The following ZNF804B variants were observed in gnomAD, a reference collection of about 807,000 sequenced individuals.
ZNF804B encodes zinc finger protein 804B.
ZNF804B carries 80 observed loss-of-function variants against 101.4 expected under a neutral mutation model. The ratio of observed to expected loss-of-function variants is 0.79; its 90% CI spans 0.66 to 0.95. ZNF804B has a LOEUF of 0.95. ZNF804B is among the 40% of genes least tolerant of loss of function. The probability of loss-of-function intolerance (pLI) is 0.00; values close to 1 mark genes in which losing one functional copy is unlikely to be tolerated. For missense variants in ZNF804B, 1,673 were observed against 1,561.9 expected (o/e 1.07, Z -1.20); for synonymous variants, 622 against 558.8 (o/e 1.11, Z -1.59).
At chr7:89,209,237 A>T (rs1395416728) in intron 1 of ZNF804B, among the ~76,000 whole-genome samples, 1 of 152,110 alleles carries the variant, frequency 6.6e-6, no homozygotes, top group Non-Finnish European at 1.5e-5. Context: ...CCACCGAGAG[A>T]CAATTTCACA....
At chr7:88,889,361 T>C (rs1182172511) in intron 1 of ZNF804B, among the ~76,000 whole-genome samples, 10 of 152,122 alleles carry the variant, frequency 6.6e-5, no homozygotes, top group Non-Finnish European at 1.3e-4. Context: ...ACTTGAGAGA[T>C]CTCCATAACG....
At chr7:88,882,166 T>G (rs1040421165) in intron 1 of ZNF804B, among the ~76,000 whole-genome samples, 4 of 152,124 alleles carry the variant, frequency 2.6e-5, no homozygotes, top group African/African-American at 2.4e-5. Flanking sequence ...GCTTCATTTT[T>G]AGAATTAACA....
intron 1 of ZNF804B, among the ~76,000 whole-genome samples, chr7:89,216,155 A>AT (rs1230754875): frequency 1.3e-5 from 2 of 151,790 alleles, no homozygotes; most frequent in East Asian, 3.9e-4. Flanking sequence ...AATACAAAAA[A>AT]ACGTAGCTGG....
intron 1 of ZNF804B, among the ~76,000 whole-genome samples, chr7:88,783,095 A>C (rs1790254145): frequency 6.6e-6 from 1 of 152,188 alleles, no homozygotes; most frequent in Non-Finnish European, 1.5e-5. Context: ...GAGTACCTTC[A>C]TAAAAATCAT....
chr7:89,286,464 AATATTGTGC>A (rs1301180350), intron 2 of ZNF804B, among the ~76,000 whole-genome samples: 1 of 152,230 alleles, frequency 6.6e-6, no homozygotes, highest in Non-Finnish European at 1.5e-5. Flanking sequence ...AAACTGCTGA[AATATTGTGC>A]ATGACTTCAT....
At chr7:89,288,670 A>G (rs986356296) in intron 2 of ZNF804B, among the ~76,000 whole-genome samples, 3 of 152,210 alleles carry the variant, frequency 2.0e-5, no homozygotes, top group African/African-American at 7.2e-5. Context: ...ATATTGTAAA[A>G]ATAATTACAT....
intron 1 of ZNF804B, among the ~76,000 whole-genome samples, chr7:89,018,117 G>T (rs1218463222): frequency 6.6e-6 from 1 of 152,006 alleles, no homozygotes; most frequent in African/African-American, 2.4e-5. Context: ...CAGGCTTTCC[G>T]TTTTTCCCTA....
chr7:88,883,857 AATTAT>A (rs1320315140), intron 1 of ZNF804B, among the ~76,000 whole-genome samples: 45 of 152,126 alleles, frequency 3.0e-4, no homozygotes, highest in Middle Eastern at 3.4e-3. Context: ...GTTGGTTACT[AATTAT>A]ATGTCACTTA....
Position 88,802,121 on chromosome 7 carries a change from C to T in ZNF804B, c.108+42037C>T, listed in dbSNP as rs577451702. Among the ~76,000 whole-genome samples, 8 of 152,186 alleles carry T rather than the reference C, an allele frequency of 5.3e-5. No homozygotes were observed. In the South Asian group the frequency reaches 1.7e-3, roughly 32 times the overall value. On this transcript the variant is annotated intron_variant, in intron 1 of 3. Transcript: ENST00000333190. ...CTCCTGTGCTCGCTCCCTCCCGCCT[C>T]AAGTGAAGAAGCTCCTTGTTCTGCT...
intron 1 of ZNF804B, among the ~76,000 whole-genome samples, chr7:89,098,781 G>C (rs1415054733): frequency 6.6e-6 from 1 of 151,938 alleles, no homozygotes; most frequent in East Asian, 1.9e-4. Flanking sequence ...TGGGGATGAA[G>C]GAGATGAATT....
chr7:89,031,105 C>T lies in ZNF804B; in HGVS notation c.109-187050C>T, dbSNP rs141742438. Among the ~76,000 whole-genome samples, 23 of 151,868 alleles carry T rather than the reference C, an allele frequency of 1.5e-4. No homozygotes were observed. In the East Asian group the frequency reaches 4.3e-3, roughly 28 times the overall value. ...TGATGCGTGCAGCAAACCAACATGG[C>T]ACATGTATACTTATGTAACAAACCT... On this transcript the variant is annotated intron_variant, in intron 1 of 3. Transcript: ENST00000333190.
intron 1 of ZNF804B, among the ~76,000 whole-genome samples, chr7:88,954,560 C>CT (rs1554349344): frequency 6.6e-6 from 1 of 151,090 alleles, no homozygotes; most frequent in Non-Finnish European, 1.5e-5. Flanking sequence ...AACATGCCCC[C>CT]CCCCCACCAC....
At chr7:89,218,681 G>A (rs1289523302) in intron 2 of ZNF804B, among the ~76,000 whole-genome samples, 2 of 152,018 alleles carry the variant, frequency 1.3e-5, no homozygotes, top group Admixed American at 6.6e-5. Context: ...TGTTGACCAG[G>A]AAGAAGTTTA....
intron 1 of ZNF804B, among the ~76,000 whole-genome samples, chr7:89,191,878 G>GGGA (rs1788459621): frequency 6.6e-6 from 1 of 152,022 alleles, no homozygotes; most frequent in African/African-American, 2.4e-5. Context: ...AGTTCATCCC[G>GGGA]TAAGAATAGC....
At chr7:89,044,585 G>A (rs2373835) in intron 1 of ZNF804B, among the ~76,000 whole-genome samples, 45,003 of 151,984 alleles carry the variant, frequency 0.3, 7,030 homozygotes, top group East Asian at 0.53. Context: ...TGCTGATAGC[G>A]ACATGGACAA....
intron 1 of ZNF804B, among the ~76,000 whole-genome samples, chr7:88,844,486 A>C (rs1168790534): frequency 1.3e-5 from 2 of 151,780 alleles, no homozygotes; most frequent in Non-Finnish European, 2.9e-5. Context: ...CTGTTTCTCT[A>C]CTCCCTGTAT....
chr7:89,139,523 T>C (rs1398796800), intron 1 of ZNF804B, among the ~76,000 whole-genome samples: 2 of 152,100 alleles, frequency 1.3e-5, no homozygotes, highest in East Asian at 1.9e-4. Flanking sequence ...GCCACCGCCT[T>C]ATTAACTAAA....
chr7:88,949,013 G>C (rs1444163976), intron 1 of ZNF804B, among the ~76,000 whole-genome samples: 2 of 151,320 alleles, frequency 1.3e-5, no homozygotes, highest in African/African-American at 2.4e-5. Context: ...ACTATGTGAA[G>C]TATGAGTTGA....
At chr7:88,873,073 T>G (rs989251344) in intron 1 of ZNF804B, among the ~76,000 whole-genome samples, 4 of 151,886 alleles carry the variant, frequency 2.6e-5, no homozygotes, top group African/African-American at 9.7e-5. Flanking sequence ...TGAACTAGTT[T>G]ACAGTCCCAC....
Sources: allele counts gnomAD v4.1 joint callset (sites outside exome capture counted in the v4.1 genomes callset), GRCh38; gene constraint gnomAD v4.1.1; transcripts MANE v1.5; gene names NCBI Gene and HGNC (gene_info 2026-07-23, HGNC 2026-07-21).